Variants in NELL1 observed in about 807,000 individuals in gnomAD.
NELL1 encodes the protein protein kinase C-binding protein NELL1.
A neutral mutation model predicts 107.4 loss-of-function variants in NELL1; 76 were observed. The observed-to-expected ratio is 0.71, with a 90% CI of 0.59 to 0.86. The LOEUF (loss-of-function observed/expected upper bound fraction) is 0.86. Among genes scored for constraint, NELL1 ranks in the 40% least tolerant of loss-of-function variants. The pLI is 0.00. For missense variants in NELL1, 1,024 were observed against 1,005.5 expected (o/e 1.02, Z -0.25); for synonymous variants, 353 against 341.2 (o/e 1.03, Z -0.38).
chr11:20,954,830 T>C (rs962926102), intron 11 of NELL1, among the ~76,000 whole-genome samples: 8 of 152,222 alleles, frequency 5.3e-5, no homozygotes, highest in Non-Finnish European at 1.0e-4. Flanking sequence ...CCGGGCATCA[T>C]GATTTGACAT....
At chr11:21,207,642 T>G (rs555407071) in intron 13 of NELL1, among the ~76,000 whole-genome samples, 18 of 152,280 alleles carry the variant, frequency 1.2e-4, no homozygotes, top group Admixed American at 3.3e-4. Context: ...ATCAATGGTC[T>G]TGAGAATCTC....
intron 2 of NELL1, among the ~76,000 whole-genome samples, chr11:20,772,583 A>G (rs1016682966): frequency 6.6e-6 from 1 of 151,918 alleles, no homozygotes; most frequent in Non-Finnish European, 1.5e-5. Context: ...GAAATGTCAT[A>G]AGGTGCCTAT....
intron 13 of NELL1, among the ~76,000 whole-genome samples, chr11:21,183,746 C>T (rs1856875838): frequency 6.6e-6 from 1 of 151,658 alleles, no homozygotes; most frequent in African/African-American, 2.4e-5. Context: ...GGGAACCATG[C>T]CGACCCAACA....
At chr11:20,750,562 A>AATTATTATTATTATTATTATT (rs113562957) in intron 2 of NELL1, among the ~76,000 whole-genome samples, 7 of 149,602 alleles carry the variant, frequency 4.7e-5, no homozygotes, top group African/African-American at 1.7e-4. Flanking sequence ...TGTACCTCGG[A>AATTATTATTATTATTATTATT]ATTATTATTA....
At chr11:20,848,134 T>C (rs949377353) in intron 4 of NELL1, among the ~76,000 whole-genome samples, 2 of 152,194 alleles carry the variant, frequency 1.3e-5, no homozygotes, top group African/African-American at 4.8e-5. Context: ...TTGTCTACCC[T>C]GGAATGAATC....
chr11:21,079,524 C>A (rs1217920225), intron 12 of NELL1, among the ~76,000 whole-genome samples: 1 of 152,014 alleles, frequency 6.6e-6, no homozygotes, highest in African/African-American at 2.4e-5. Context: ...TTTGGCTATA[C>A]ACAGTAAAAC....
intron 2 of NELL1, among the ~76,000 whole-genome samples, chr11:20,692,603 A>G (rs1182646166): frequency 6.7e-6 from 1 of 150,372 alleles, no homozygotes; most frequent in Non-Finnish European, 1.5e-5. Flanking sequence ...GTTTTGAGTG[A>G]GTTTCTTAAT....
intron 15 of NELL1, among the ~76,000 whole-genome samples, chr11:21,403,666 A>G (rs776140748): frequency 4.6e-5 from 7 of 151,734 alleles, no homozygotes; most frequent in Non-Finnish European, 7.4e-5. Flanking sequence ...ATTAAACAGC[A>G]GTAATAGATA....
intron 15 of NELL1, among the ~76,000 whole-genome samples, chr11:21,378,187 C>A (rs767512559): frequency 6.6e-6 from 1 of 150,986 alleles, no homozygotes; most frequent in East Asian, 1.9e-4. Context: ...CCCTGGGAGA[C>A]AAAATTTCAT....
At chr11:21,239,212 A>C (rs1858286574) in intron 14 of NELL1, among the ~76,000 whole-genome samples, 1 of 152,052 alleles carries the variant, frequency 6.6e-6, no homozygotes. Context: ...GTGGTACTTC[A>C]TAAACATTAT....
chr11:20,841,966 G>C (rs550242647), intron 3 of NELL1, among the ~76,000 whole-genome samples: 47 of 152,132 alleles, frequency 3.1e-4, no homozygotes, highest in Non-Finnish European at 5.6e-4. Context: ...CTCTTTTTCA[G>C]GACACATAGC....
At chr11:20,798,507 TAA>T (rs1018800690) in intron 3 of NELL1, among the ~76,000 whole-genome samples, 1 of 97,794 alleles carries the variant, frequency 1.0e-5, no homozygotes, top group Non-Finnish European at 2.7e-5. Context: ...CTAGAGAATT[TAA>T]AAAAACTCTT....
intron 3 of NELL1, among the ~76,000 whole-genome samples, chr11:20,819,890 A>G (rs1857712297): frequency 6.6e-6 from 1 of 152,240 alleles, no homozygotes; most frequent in African/African-American, 2.4e-5. Context: ...ATAAAGCACT[A>G]TTAACTGTAG....
intron 2 of NELL1, among the ~76,000 whole-genome samples, chr11:20,698,706 T>G (rs1238026890): frequency 6.6e-6 from 1 of 152,150 alleles, no homozygotes; most frequent in East Asian, 1.9e-4. Context: ...GATAAGTTAT[T>G]TAGTGGTGCT....
rs192259114 is a variant in NELL1, at chr11:21,544,796, C to T, written c.1786+10282C>T. On this transcript the variant is annotated intron_variant, in intron 16 of 19. Transcript: ENST00000357134. Reference sequence around the variant, plus strand: ...TATTATAAAACACACTAATTGAAAACTTGAGAATGAATATAAATTCCTATT... The same window carrying T: ...TATTATAAAACACACTAATTGAAAATTTGAGAATGAATATAAATTCCTATT... Among the ~76,000 whole-genome samples, 856 of 151,884 alleles carry T rather than the reference C, an allele frequency of 5.6e-3. 11 individuals are homozygous for T. Among genetic ancestry groups the T allele is most frequent in the African/African-American group, 0.02 (813 of 41,478 alleles).
intron 2 of NELL1, among the ~76,000 whole-genome samples, chr11:20,738,098 G>A (rs549294529): frequency 6.6e-6 from 1 of 152,088 alleles, no homozygotes; most frequent in Admixed American, 6.6e-5. Flanking sequence ...GTGAGAAAAT[G>A]TAGCATAGAA....
At chr11:21,123,757 T>G (rs1855425542) in intron 13 of NELL1, among the ~76,000 whole-genome samples, 1 of 152,180 alleles carries the variant, frequency 6.6e-6, no homozygotes, top group Non-Finnish European at 1.5e-5. Flanking sequence ...TTGTGGCCAT[T>G]TATTCCATTT....
intron 3 of NELL1, among the ~76,000 whole-genome samples, chr11:20,831,989 G>A (rs779675417): frequency 2.6e-5 from 4 of 152,314 alleles, no homozygotes; most frequent in East Asian, 3.9e-4. Context: ...GGAATTCAGC[G>A]TAGGGGGTGG....
At chr11:20,869,459 G>A (rs1183615046) in intron 4 of NELL1, among the ~76,000 whole-genome samples, 1 of 152,150 alleles carries the variant, frequency 6.6e-6, no homozygotes, top group African/African-American at 2.4e-5. Flanking sequence ...ATTAATCTAT[G>A]TAAGAGGCAG....
Sources: allele counts gnomAD v4.1 joint callset (sites outside exome capture counted in the v4.1 genomes callset), GRCh38; gene constraint gnomAD v4.1.1; transcripts MANE v1.5; gene names NCBI Gene and HGNC (gene_info 2026-07-23, HGNC 2026-07-21).